FAM168A: variants seen among roughly 807,000 people sequenced by gnomAD.
FAM168A encodes family with sequence similarity 168 member A.
Under a neutral mutation model 28.5 loss-of-function variants are expected in FAM168A, and 3 were observed. That is an observed-to-expected ratio of 0.11 (90% CI 0.05 to 0.27). The LOEUF (loss-of-function observed/expected upper bound fraction) is 0.27, where lower values mean the gene tolerates loss of function less well. FAM168A is among the 10% of genes least tolerant of loss of function. FAM168A has a pLI of 1.00. For synonymous variants in FAM168A, 122 were observed against 124.2 expected (o/e 0.98, Z 0.12); for missense variants, 222 against 311.5 (o/e 0.71, Z 2.16).
chr11:73,565,972 T>C (rs1040317866), intron 1 of FAM168A, among the ~76,000 whole-genome samples: 1 of 152,220 alleles, frequency 6.6e-6, no homozygotes, highest in Admixed American at 6.5e-5. Flanking sequence ...GACTACAGCA[T>C]TAATTCCCCC....
intron 1 of FAM168A, among the ~76,000 whole-genome samples, chr11:73,494,689 A>G (rs1854834879): frequency 6.6e-6 from 1 of 152,180 alleles, no homozygotes. Context: ...AACGCCAGGA[A>G]AGCACTCTTG....
intron 1 of FAM168A, among the ~76,000 whole-genome samples, chr11:73,557,082 G>A (rs963671152): frequency 6.6e-6 from 1 of 151,928 alleles, no homozygotes; most frequent in Non-Finnish European, 1.5e-5. Flanking sequence ...CCAAAAGGTG[G>A]AAGCAACTCA....
intron 1 of FAM168A, among the ~76,000 whole-genome samples, chr11:73,547,250 T>C (rs1590847183): frequency 6.6e-6 from 1 of 151,460 alleles, no homozygotes. Context: ...ATAGCTAACA[T>C]GCATTTTAAA....
chr11:73,445,417 C>CTTTTTTTTTT (rs1565248223), intron 2 of FAM168A, among the ~76,000 whole-genome samples: 1 of 92,178 alleles, frequency 1.1e-5, no homozygotes, highest in Non-Finnish European at 2.1e-5. Flanking sequence ...GTAAAAATGT[C>CTTTTTTTTTT]TCTTTTTTTT....
At chr11:73,466,091 G>C (rs1468944200) in intron 2 of FAM168A, among the ~76,000 whole-genome samples, 1 of 152,088 alleles carries the variant, frequency 6.6e-6, no homozygotes, top group African/African-American at 2.4e-5. Flanking sequence ...TTCAAACCAG[G>C]AGTGTTTCCA....
intron 2 of FAM168A, among the ~76,000 whole-genome samples, chr11:73,436,488 G>C (rs1867087732): frequency 7.5e-6 from 1 of 133,088 alleles, no homozygotes; most frequent in African/African-American, 2.8e-5. Context: ...CCCTGCAAAT[G>C]ACCCCCTAGG....
At position 73,522,316 on chromosome 11, in the gene FAM168A, G is replaced by GT. The variant is rs533023935; in HGVS notation, c.-18-53825dup. Among the ~76,000 whole-genome samples the GT allele has an allele frequency of 7.2e-5, 11 of 151,764 alleles. No individual in the cohort carries two copies. In the East Asian group the frequency reaches 1.6e-3, roughly 21 times the overall value. On this transcript the variant is annotated intron_variant, in intron 1 of 7. Coordinates refer to ENST00000356467, the MANE Select transcript of FAM168A (RefSeq NM_015159.3). ...GGAACCGGGGTCATCAGGACTCTGG[G>GT]TTTTTTTTGTTTGTTTGTTTTGAGA...
intron 2 of FAM168A, among the ~76,000 whole-genome samples, chr11:73,441,836 A>G (rs1270511551): frequency 6.6e-6 from 1 of 152,152 alleles, no homozygotes; most frequent in Non-Finnish European, 1.5e-5. Context: ...TTTTATTTCT[A>G]TTAAAAGTCT....
intron 1 of FAM168A, among the ~76,000 whole-genome samples, chr11:73,573,222 A>G (rs1053872946): frequency 1.3e-5 from 2 of 152,200 alleles, no homozygotes; most frequent in African/African-American, 4.8e-5. Context: ...AAAAAAATCT[A>G]TTTTAACTTC....
At chr11:73,515,826 TC>T (rs1943296671) in intron 1 of FAM168A, among the ~76,000 whole-genome samples, 1 of 151,938 alleles carries the variant, frequency 6.6e-6, no homozygotes, top group African/African-American at 2.4e-5. Context: ...ATCAGAATCT[TC>T]TGGCCAGGCT....
At chr11:73,565,063 G>C (rs1278406444) in intron 1 of FAM168A, among the ~76,000 whole-genome samples, 1 of 152,106 alleles carries the variant, frequency 6.6e-6, no homozygotes, top group Non-Finnish European at 1.5e-5. Flanking sequence ...AGGCCTCAAG[G>C]GAAGTGACTG....
rs764381108 is a variant in FAM168A, at chr11:73,419,986, C to G, written c.165G>C (p.Met55Ile). ...ACGAGTTCTGTGGCCAGGCCTGTTT[C>G]ATCAGCAGAGTTGCTTAAGGGAAGA... ...SPSYAPATLL[M>I]KQAWPQNSSS... The change falls in exon 4 of 8, where the codon ATG (methionine) becomes ATC (isoleucine). Residue 55 changes from methionine to isoleucine, a missense_variant. By Grantham distance (10) the Met-to-Ile change is conservative. Coordinates refer to ENST00000356467, the MANE Select transcript of FAM168A (RefSeq NM_015159.3). 6.2e-7 allele frequency: 1 copy of G among 1,613,668 alleles called. No homozygotes were observed. The highest frequency in any genetic ancestry group is 8.5e-7 in the Non-Finnish European group (1 of 1,179,750).
At chr11:73,414,935 T>TAA (rs1290034147) in intron 4 of FAM168A, among the ~76,000 whole-genome samples, 1 of 152,224 alleles carries the variant, frequency 6.6e-6, no homozygotes, top group East Asian at 1.9e-4. Context: ...GACTTTCCTT[T>TAA]ATGCTCCTGG....
chr11:73,542,440 T>C (rs1943669871), intron 1 of FAM168A, among the ~76,000 whole-genome samples: 3 of 152,214 alleles, frequency 2.0e-5, no homozygotes, highest in Admixed American at 2.0e-4. Flanking sequence ...CCTCATCTAA[T>C]CTATCAGCAA....
At chr11:73,493,320 A>G (rs1394061917) in intron 1 of FAM168A, among the ~76,000 whole-genome samples, 1 of 152,220 alleles carries the variant, frequency 6.6e-6, no homozygotes, top group African/African-American at 2.4e-5. Context: ...CGTAGACCAT[A>G]CGTATACAGT....
rs965946576 is a variant in FAM168A, at chr11:73,405,521, C to G, written c.*1242G>C. The G allele has an allele frequency of 6.6e-6, 1 of 152,208 alleles. No homozygotes were observed. The highest frequency in any genetic ancestry group is 1.5e-5 in the Non-Finnish European group (1 of 68,054). 9.4% of individuals were successfully genotyped at this position (152,208 alleles called of 1,614,324 possible). On this transcript the variant is annotated 3_prime_UTR_variant, in exon 8 of 8. Coordinates refer to ENST00000356467, the MANE Select transcript of FAM168A (RefSeq NM_015159.3). The stretch of plus-strand genomic sequence containing the variant: ...CTGTAAGGTCTAGGGAAGTCCTTTC[C>G]GCTTCTCTGGGCCTCAGTTTCCTCA...
chr11:73,558,364 G>A (rs1943914161), intron 1 of FAM168A, among the ~76,000 whole-genome samples: 1 of 151,342 alleles, frequency 6.6e-6, no homozygotes, highest in Admixed American at 6.6e-5. Flanking sequence ...AGCTACTTAG[G>A]AGTCTGAGAC....
At chr11:73,410,804 GCTAGAGCC>G (rs1362457610) in intron 5 of FAM168A, 1 of 152,292 alleles carries the variant, frequency 6.6e-6, no homozygotes, top group Admixed American at 6.5e-5. Flanking sequence ...TCATGGGTGT[GCTAGAGCC>G]CCATATGGTC....
intron 2 of FAM168A, among the ~76,000 whole-genome samples, chr11:73,461,959 G>C (rs1867654253): frequency 6.6e-6 from 1 of 152,046 alleles, no homozygotes; most frequent in Non-Finnish European, 1.5e-5. Flanking sequence ...GAGAGAGAGA[G>C]AGAAAACAAA....
Sources: allele counts gnomAD v4.1 joint callset (sites outside exome capture counted in the v4.1 genomes callset), GRCh38; gene constraint gnomAD v4.1.1; transcripts MANE v1.5; gene names NCBI Gene and HGNC (gene_info 2026-07-23, HGNC 2026-07-21).